Variants in MDGA2 observed in about 807,000 individuals in gnomAD.
MDGA2 encodes the protein MAM domain containing glycosylphosphatidylinositol anchor 2, also known as MAM domain-containing glycosylphosphatidylinositol anchor protein 2.
Under a neutral mutation model 117.8 loss-of-function variants are expected in MDGA2, and 40 were observed. That is an observed-to-expected ratio of 0.34 (90% CI 0.26 to 0.44). The LOEUF is 0.44. MDGA2 is among the 20% of genes least tolerant of loss of function. The pLI is 1.00. For synonymous variants in MDGA2, 452 were observed against 439.0 expected (o/e 1.03, Z -0.37); for missense variants, 1,123 against 1,250.6 (o/e 0.90, Z 1.54).
At chr14:46,847,430 G>A (rs1450802136) in intron 15 of MDGA2, among the ~76,000 whole-genome samples, 19 of 152,000 alleles carry the variant, frequency 1.3e-4, no homozygotes, top group Admixed American at 1.2e-3. Flanking sequence ...TTAGAACCAA[G>A]TTAGCAGTTT....
intron 1 of MDGA2, among the ~76,000 whole-genome samples, chr14:47,311,516 G>A (rs1045483406): frequency 6.6e-6 from 1 of 152,024 alleles, no homozygotes; most frequent in South Asian, 2.1e-4. Flanking sequence ...TTGGATCCCA[G>A]GAGACAGAGA....
chr14:47,619,362 T>C (rs1215902989), intron 1 of MDGA2, among the ~76,000 whole-genome samples: 1 of 152,206 alleles, frequency 6.6e-6, no homozygotes, highest in Non-Finnish European at 1.5e-5. Context: ...TGAGGTGGGC[T>C]GCTAACAAAG....
At chr14:47,128,964 C>T (rs529128573) in intron 5 of MDGA2, among the ~76,000 whole-genome samples, 87 of 152,230 alleles carry the variant, frequency 5.7e-4, no homozygotes, top group Admixed American at 1.2e-3. Flanking sequence ...GCTGGGATTA[C>T]AGGAGTGAGC....
chr14:47,450,963 C>G (rs1893229426), intron 1 of MDGA2, among the ~76,000 whole-genome samples: 1 of 152,076 alleles, frequency 6.6e-6, no homozygotes, highest in Non-Finnish European at 1.5e-5. Flanking sequence ...CTTCTATTCT[C>G]TAACTCTTCT....
chr14:46,990,264 CA>C (rs1280720421), intron 8 of MDGA2, among the ~76,000 whole-genome samples: 34 of 151,990 alleles, frequency 2.2e-4, no homozygotes, highest in African/African-American at 8.0e-4. Flanking sequence ...GAATATTAGT[CA>C]TAAGAGACTA....
chr14:46,874,298 A>G, intron 12 of MDGA2, 98 bp from the exon 13 acceptor site: 1 of 538,580 alleles, frequency 1.9e-6, no homozygotes, highest in African/African-American at 2.0e-5. Flanking sequence ...AGCAATAATA[A>G]TGCAAGATTG....
At chr14:46,864,574 C>A (rs796110086) in intron 14 of MDGA2, among the ~76,000 whole-genome samples, 632 of 11,978 alleles carry the variant, frequency 0.053, no homozygotes, top group East Asian at 0.12. Context: ...TTTTTTTTTA[C>A]AAATTAAAGG....
intron 6 of MDGA2, 147 bp downstream of exon 6, chr14:47,096,707 T>A (rs977607909): frequency 2.5e-6 from 2 of 805,306 alleles, no homozygotes. Flanking sequence ...CACTTATAAT[T>A]ACCCACCATT....
chr14:46,858,257 T>C (rs1881352738), intron 14 of MDGA2, among the ~76,000 whole-genome samples: 1 of 151,504 alleles, frequency 6.6e-6, no homozygotes, highest in Admixed American at 6.6e-5. Flanking sequence ...TATTGTACTT[T>C]GTAGTATAAT....
At chr14:47,597,113 C>A (rs1457832567) in intron 1 of MDGA2, among the ~76,000 whole-genome samples, 1 of 152,050 alleles carries the variant, frequency 6.6e-6, no homozygotes, top group Non-Finnish European at 1.5e-5. Flanking sequence ...GGGGTATGTT[C>A]AAGCAGTTAT....
chr14:47,659,686 G>C (rs1327160613), intron 1 of MDGA2, among the ~76,000 whole-genome samples: 1 of 152,084 alleles, frequency 6.6e-6, no homozygotes, highest in Admixed American at 6.6e-5. Flanking sequence ...TCAAAATAGA[G>C]CATGCATCTA....
At chr14:47,585,669 A>T (rs930036733) in intron 1 of MDGA2, among the ~76,000 whole-genome samples, 1 of 151,252 alleles carries the variant, frequency 6.6e-6, no homozygotes, top group Non-Finnish European at 1.5e-5. Flanking sequence ...GGCATCTAAT[A>T]GGCTGCCATA....
chr14:47,485,528 G>A (rs994876799), intron 1 of MDGA2, among the ~76,000 whole-genome samples: 1 of 152,176 alleles, frequency 6.6e-6, no homozygotes, highest in Admixed American at 6.5e-5. Flanking sequence ...GCAGAAATTT[G>A]CATAAGTAAG....
At chr14:47,212,254 TA>T (rs1885912085) in intron 3 of MDGA2, among the ~76,000 whole-genome samples, 2 of 152,134 alleles carry the variant, frequency 1.3e-5, no homozygotes, top group East Asian at 1.9e-4. Context: ...GTGTCGAATA[TA>T]AAGGAATGCC....
intron 3 of MDGA2, among the ~76,000 whole-genome samples, chr14:47,208,781 T>C (rs114320376): frequency 0.012 from 1,767 of 152,068 alleles, 43 homozygotes; most frequent in African/African-American, 0.04. Flanking sequence ...ATAGATTTAC[T>C]TCTTTTAAAT....
intron 2 of MDGA2, among the ~76,000 whole-genome samples, chr14:47,255,333 G>A (rs72680261): frequency 0.066 from 9,999 of 152,216 alleles, 368 homozygotes; most frequent in Non-Finnish European, 0.076. Context: ...AGGGAGTCAC[G>A]GGAGATGAAA....
At chr14:47,197,589 T>C (rs1480100374) in intron 3 of MDGA2, among the ~76,000 whole-genome samples, 1 of 152,190 alleles carries the variant, frequency 6.6e-6, no homozygotes, top group Non-Finnish European at 1.5e-5. Flanking sequence ...ATGTTCTTGT[T>C]GGTGAATCTG....
intron 1 of MDGA2, among the ~76,000 whole-genome samples, chr14:47,394,862 A>G (rs1891972753): frequency 6.6e-6 from 1 of 152,168 alleles, no homozygotes. Flanking sequence ...AAGATTTAAA[A>G]CTATGTCTAG....
At chr14:46,974,557 C>A (rs1328492261) in intron 8 of MDGA2, among the ~76,000 whole-genome samples, 2 of 151,982 alleles carry the variant, frequency 1.3e-5, no homozygotes, top group African/African-American at 4.8e-5. Context: ...GAATGGAGAA[C>A]CCAGAAGTAC....
Sources: gnomAD v4.1 joint callset for allele counts (sites outside exome capture counted in the v4.1 genomes callset) on GRCh38, gnomAD v4.1.1 for gene constraint, MANE v1.5 for transcripts, NCBI Gene and HGNC (gene_info 2026-07-23, HGNC 2026-07-21) for gene names.